TPCN1: variants seen among roughly 807,000 people sequenced by gnomAD.
TPCN1 encodes two pore segment channel 1.
In TPCN1, 52 loss-of-function variants were observed where a neutral mutation model predicts 108.8. That is an observed-to-expected ratio of 0.48 (90% CI 0.38 to 0.60). The LOEUF is 0.60. TPCN1 is among the 20% of genes least tolerant of loss of function. The pLI is 0.00. For missense variants in TPCN1, 806 were observed against 1,072.8 expected (o/e 0.75, Z 3.47); for synonymous variants, 446 against 433.7 (o/e 1.03, Z -0.35).
At chr12:113,282,177 G>A (rs1484314811) in intron 15 of TPCN1, among the ~76,000 whole-genome samples, 18 of 144,620 alleles carry the variant, frequency 1.2e-4, no homozygotes, top group Admixed American at 2.9e-4. Flanking sequence ...TGCAAGCTCC[G>A]CCTCCCGGGT....
At chr12:113,227,000 T>C in intron 2 of TPCN1, 36 bp downstream of exon 2, 1 of 1,571,768 alleles carries the variant, frequency 6.4e-7, no homozygotes, top group African/African-American at 1.4e-5. Flanking sequence ...GACCCCAGCT[T>C]TTCTGTTTCA....
chr12:113,290,174 G>A lies in TPCN1; in HGVS notation c.1843G>A (p.Gly615Ser), dbSNP rs765425007. The A allele has an allele frequency of 6.2e-7, 1 of 1,607,546 alleles. No individual in the cohort carries two copies. The highest frequency in any genetic ancestry group is 2.2e-5 in the East Asian group (1 of 44,778). ...CTACCGCTGGCGCAACCACACCGTG[G>A]GCAACAGGACCGTGGTGGAGGAAGG... ...DAYRWRNHTV[G>S]NRTVVEEGYY... Residue 615 changes from glycine (G) to serine (S), a missense_variant, in exon 22 of 28, where the codon GGC becomes AGC. By Grantham distance (56) the Gly-to-Ser change is moderately conservative (BLOSUM62 0). Coordinates refer to ENST00000335509, the MANE Select transcript of TPCN1 (RefSeq NM_017901.6).
At chr12:113,290,398 G>T (rs1956228149) in intron 22 of TPCN1, among the ~76,000 whole-genome samples, 155 bp downstream of exon 22, 1 of 152,206 alleles carries the variant, frequency 6.6e-6, no homozygotes, top group South Asian at 2.1e-4. Context: ...GCCCAGCTTT[G>T]GCAGTACAGT....
chr12:113,292,912 C>T (rs1956314288), intron 25 of TPCN1, 22 bp from the exon 26 acceptor site: 1 of 1,606,306 alleles, frequency 6.2e-7, no homozygotes, highest in African/African-American at 1.3e-5. Flanking sequence ...GCCCTTCCCA[C>T]ACCTGCCTTC....
chr12:113,259,238 A>C (rs987352741), intron 2 of TPCN1, among the ~76,000 whole-genome samples: 5 of 152,138 alleles, frequency 3.3e-5, no homozygotes, highest in Admixed American at 2.6e-4. Context: ...TGGCCTCCCA[A>C]AGTGCTGGGA....
intron 17 of TPCN1, among the ~76,000 whole-genome samples, chr12:113,285,353 C>T (rs1425214626): frequency 6.6e-6 from 1 of 152,032 alleles, no homozygotes; most frequent in Non-Finnish European, 1.5e-5. Flanking sequence ...GGGCCCTGCC[C>T]AGAGACAGGC....
chr12:113,288,823 G>T lies in TPCN1; in HGVS notation c.1772G>T (p.Gly591Val). 1.2e-6 allele frequency: 2 copies of T among 1,613,622 alleles called. No homozygotes were observed. Among genetic ancestry groups the T allele is most frequent in the Non-Finnish European group, 1.7e-6 (2 of 1,180,032 alleles). The change falls in exon 21 of 28, where the codon GGG becomes GTG. Residue 591 changes from glycine to valine, a missense_variant. Physicochemically the swap from Gly to Val is moderately radical, Grantham distance 109 (BLOSUM62 -3). Transcript: ENST00000335509. This position sits in a 1 kb window ranked among gnomAD's most constrained non-coding sequence, Gnocchi z 4.8. Reference sequence around the variant, plus strand: ...ATCGTGGGCATGGAGTTCTTCTGCGGGATCGTCTTCCCCAACTGCTGCAAG... The same window carrying T: ...ATCGTGGGCATGGAGTTCTTCTGCGTGATCGTCTTCCCCAACTGCTGCAAG... ...FAIVGMEFFCGIVFPNCCNTS... is the reference protein window; with the variant it reads ...FAIVGMEFFCVIVFPNCCNTS...
At position 113,266,246 on chromosome 12, in the gene TPCN1, T is replaced by C; in HGVS notation, c.304T>C (p.Phe102Leu). 1 of 1,614,102 alleles carries C rather than the reference T, an allele frequency of 6.2e-7. No individual in the cohort carries two copies. The highest frequency in any genetic ancestry group is 8.5e-7 in the Non-Finnish European group (1 of 1,180,022). Residue 102 changes from phenylalanine to leucine, a missense_variant, in exon 4 of 28, where the codon TTT becomes CTT. Transcript: ENST00000335509. The surrounding 1 kb of genome is among the most constrained non-coding windows in gnomAD (Gnocchi z 4.2). The stretch of plus-strand genomic sequence containing the variant: ...TGCCAAGGCGCTGGCGGCCTACCTC[T>C]TTGCACACAATCACCTCTTCTACCT... ...KDAKALAAYL[F>L]AHNHLFYLME... is the part of the protein sequence containing the mutation.
chr12:113,259,787 A>C (rs1954955831), intron 2 of TPCN1, among the ~76,000 whole-genome samples: 1 of 152,256 alleles, frequency 6.6e-6, no homozygotes, highest in African/African-American at 2.4e-5. Flanking sequence ...GGAGTTGGCC[A>C]GAGCCAAACA....
intron 19 of TPCN1, 90 bp downstream of exon 19, chr12:113,287,184 C>A: frequency 1.8e-6 from 2 of 1,093,834 alleles, no homozygotes; most frequent in Non-Finnish European, 1.4e-6. Context: ...CCAGAATGAG[C>A]CAGAAGGTTC....
At chr12:113,291,791 C>T (rs746681161) in intron 24 of TPCN1, 83 bp from the exon 25 acceptor site, 266 of 1,566,446 alleles carry the variant, frequency 1.7e-4, no homozygotes, top group Non-Finnish European at 2.2e-4. Flanking sequence ...TGGCCGGACT[C>T]TGTTGGGCGT....
At chr12:113,265,697 C>A (rs986727611) in intron 3 of TPCN1, among the ~76,000 whole-genome samples, 1 of 152,128 alleles carries the variant, frequency 6.6e-6, no homozygotes, top group South Asian at 2.1e-4. Context: ...GGGGTCTCAA[C>A]ATGTTGCCCA....
At chr12:113,230,083 A>G (rs181259836) in intron 2 of TPCN1, among the ~76,000 whole-genome samples, 5 of 152,184 alleles carry the variant, frequency 3.3e-5, no homozygotes, top group Admixed American at 3.3e-4. Flanking sequence ...CGTGGCCTCC[A>G]GTTCTGTCTT....
chr12:113,271,104 A>C lies in TPCN1; in HGVS notation c.748+1259A>C, dbSNP rs73439841. On this transcript the variant is annotated intron_variant, in intron 7 of 27. Transcript: ENST00000335509. ...GAGACCCCATCTCTACACACACACA[A>C]AAAAAATATACAGGAATTAGCTGGG... Among the ~76,000 whole-genome samples, 1,027 of 151,862 alleles carry C rather than the reference A, an allele frequency of 6.8e-3. 5 individuals are homozygous for C. Among genetic ancestry groups the C allele is most frequent in the African/African-American group, 0.019 (795 of 41,402 alleles).
chr12:113,285,846 G>C, intron 17 of TPCN1, 43 bp from the exon 18 acceptor site: 1 of 1,541,740 alleles, frequency 6.5e-7, no homozygotes. Context: ...GCATGGGGGA[G>C]GATGTGGCGG....
At chr12:113,256,669 A>T (rs1187600052) in intron 2 of TPCN1, among the ~76,000 whole-genome samples, 1 of 152,182 alleles carries the variant, frequency 6.6e-6, no homozygotes, top group Non-Finnish European at 1.5e-5. Flanking sequence ...CTACAGGCTT[A>T]CACCACTGTG....
chr12:113,274,025 C>T (rs1555267774), intron 10 of TPCN1, among the ~76,000 whole-genome samples: 1 of 152,184 alleles, frequency 6.6e-6, no homozygotes, highest in Non-Finnish European at 1.5e-5. Context: ...GTACAAAGAT[C>T]CACAGATGTT....
At position 113,284,279 on chromosome 12, in the gene TPCN1, A is replaced by G. The variant is rs1403862500; in HGVS notation, c.1343-302A>G. On this transcript the variant is annotated intron_variant, in intron 15 of 27. Transcript: ENST00000335509. The surrounding 1 kb of genome is among the most constrained non-coding windows in gnomAD (Gnocchi z 4.1). ...TGTTTTCAATACTTGAATGCCTGGTATATTGTCCCTCTTTTACCTCAATTT... is the reference window on the plus strand; with the variant it reads ...TGTTTTCAATACTTGAATGCCTGGTGTATTGTCCCTCTTTTACCTCAATTT... Among the ~76,000 whole-genome samples the G allele has an allele frequency of 6.6e-6, 1 of 152,196 alleles. No homozygotes were observed. Among genetic ancestry groups the G allele is most frequent in the Non-Finnish European group, 1.5e-5 (1 of 68,038 alleles).
At chr12:113,227,427 G>A (rs1467588390) in intron 2 of TPCN1, among the ~76,000 whole-genome samples, 9 of 152,238 alleles carry the variant, frequency 5.9e-5, no homozygotes, top group Non-Finnish European at 7.3e-5. Flanking sequence ...CCAGGACAGC[G>A]GGGAAGAGGG....
Sources: allele counts gnomAD v4.1 joint callset (sites outside exome capture counted in the v4.1 genomes callset), GRCh38; gene constraint gnomAD v4.1.1; non-coding constraint Gnocchi (gnomAD v3.1); transcripts MANE v1.5; gene names NCBI Gene and HGNC (gene_info 2026-07-23, HGNC 2026-07-21).